Variants in NUP153 observed in about 807,000 individuals in gnomAD.
The protein encoded by NUP153 is nuclear pore complex protein Nup153.
Under a neutral mutation model 134.6 loss-of-function variants are expected in NUP153, and 27 were observed. The observed-to-expected ratio is 0.20, with a 90% CI of 0.15 to 0.28. The LOEUF (loss-of-function observed/expected upper bound fraction) is 0.28. Among genes scored for constraint, NUP153 ranks in the 10% least tolerant of loss-of-function variants. The probability of loss-of-function intolerance (pLI) is 1.00; values close to 1 mark genes in which losing one functional copy is unlikely to be tolerated. For missense variants in NUP153, 1,821 were observed against 1,731.3 expected, an observed-to-expected ratio of 1.05 and a Z score of -0.92; for synonymous variants, 640 against 623.5, an observed-to-expected ratio of 1.03 and a Z score of -0.40.
chr6:17,624,542 A>C lies in NUP153; in HGVS notation c.4174+19T>G, dbSNP rs1393912338. On this transcript the variant is annotated intron_variant, in intron 20 of 21. Coordinates refer to ENST00000262077, the MANE Select transcript of NUP153 (RefSeq NM_005124.4). ...ACACAAAACCCATACAGATACTAACAGCATCACAGCACACTTACTAGAATT... is the reference window on the plus strand; with the variant it reads ...ACACAAAACCCATACAGATACTAACCGCATCACAGCACACTTACTAGAATT... 7 of 1,611,938 alleles carry C rather than the reference A, an allele frequency of 4.3e-6. No individual in the cohort carries two copies. The highest frequency in any genetic ancestry group is 5.9e-6 in the Non-Finnish European group (7 of 1,178,426).
chr6:17,622,952 A>G lies in NUP153; in HGVS notation c.4174+1609T>C, dbSNP rs1416377087. Among the ~76,000 whole-genome samples the G allele has an allele frequency of 3.9e-5, 6 of 152,154 alleles. No individual in the cohort carries two copies. The East Asian group carries it at 1.2e-3, about 29-fold the overall frequency. On this transcript the variant is annotated intron_variant, in intron 20 of 21. Transcript: ENST00000262077. ...AAGACCACCCTGGCTAACACGGTGA[A>G]ACCCCATCTCTACTAAAAATATAAA...
In NUP153 at chr6:17,638,389, T is replaced by A. The variant is rs1008758062; in HGVS notation, c.1847-619A>T. ...GTCTTACACACAACACCACCATCTG[T>A]GATCTGTTTCTCCAGCCTTACCCGC... On this transcript the variant is annotated intron_variant, in intron 15 of 21. Coordinates refer to ENST00000262077, the MANE Select transcript of NUP153 (RefSeq NM_005124.4). The surrounding 1 kb of genome is among the most constrained non-coding windows in gnomAD (Gnocchi z 4.0). Among the ~76,000 whole-genome samples the A allele has an allele frequency of 6.6e-6, 1 of 152,198 alleles. No homozygotes were observed. The highest frequency in any genetic ancestry group is 2.4e-5 in the African/African-American group (1 of 41,448).
At chr6:17,687,736 TAGTG>T (rs1561905529) in intron 2 of NUP153, among the ~76,000 whole-genome samples, 1 of 152,150 alleles carries the variant, frequency 6.6e-6, no homozygotes, top group African/African-American at 2.4e-5. Context: ...TCAAAACATG[TAGTG>T]AAAGAAAAAA....
At chr6:17,651,968 G>A (rs1268916046) in intron 11 of NUP153, 2 of 577,076 alleles carry the variant, frequency 3.5e-6, no homozygotes, top group Non-Finnish European at 6.6e-6. Flanking sequence ...GATGGCACAT[G>A]CCTGTGGTCC....
At chr6:17,664,055 G>A (rs1767361926) in intron 9 of NUP153, among the ~76,000 whole-genome samples, 1 of 151,438 alleles carries the variant, frequency 6.6e-6, no homozygotes, top group Non-Finnish European at 1.5e-5. Flanking sequence ...ACAAAATCTA[G>A]TATATCCATA....
chr6:17,629,573 C>A, intron 17 of NUP153, 34 bp from the exon 18 acceptor site: 1 of 1,536,322 alleles, frequency 6.5e-7, no homozygotes, highest in South Asian at 1.3e-5. Flanking sequence ...CATAGACACT[C>A]AATGTACTGA....
At chr6:17,701,094 G>C (rs764667641) in intron 1 of NUP153, among the ~76,000 whole-genome samples, 1 of 152,004 alleles carries the variant, frequency 6.6e-6, no homozygotes, top group East Asian at 1.9e-4. Context: ...GAGTGGTGGC[G>C]CATGCCTGTA....
chr6:17,673,029 A>T (rs1161659332), intron 5 of NUP153, among the ~76,000 whole-genome samples: 1 of 152,154 alleles, frequency 6.6e-6, no homozygotes, highest in Non-Finnish European at 1.5e-5. Flanking sequence ...TGAAACCATT[A>T]AGAATACACA....
intron 8 of NUP153, among the ~76,000 whole-genome samples, chr6:17,668,379 C>T (rs942593833): frequency 6.6e-6 from 1 of 151,766 alleles, no homozygotes; most frequent in African/African-American, 2.4e-5. Context: ...CGCACCTGGC[C>T]GATCACTCCT....
At chr6:17,686,358 T>C (rs533954443) in intron 2 of NUP153, among the ~76,000 whole-genome samples, 5 of 152,086 alleles carry the variant, frequency 3.3e-5, no homozygotes, top group African/African-American at 1.2e-4. Flanking sequence ...TAGGGCTAGG[T>C]TAATGTGCGC....
At chr6:17,636,253 T>C (rs1221111816) in intron 16 of NUP153, among the ~76,000 whole-genome samples, 6 of 150,676 alleles carry the variant, frequency 4.0e-5, no homozygotes. Context: ...AAGAATTGCA[T>C]GCATCTGGGA....
intron 11 of NUP153, among the ~76,000 whole-genome samples, chr6:17,658,135 C>G (rs1333398201): frequency 3.9e-5 from 6 of 152,216 alleles, no homozygotes; most frequent in Admixed American, 3.9e-4. Flanking sequence ...CGTGATGGCT[C>G]ACGCCTATAA....
chr6:17,637,927 T>C (rs1022117417), intron 15 of NUP153, among the ~76,000 whole-genome samples, 157 bp from the exon 16 acceptor site: 3 of 152,220 alleles, frequency 2.0e-5, no homozygotes, highest in Admixed American at 6.5e-5. Flanking sequence ...AGTAATCATA[T>C]TTATCAATTA....
rs1764348449 is a variant in NUP153, at chr6:17,616,665, G to C, written c.4205C>G (p.Thr1402Arg). The C allele has an allele frequency of 1.2e-6, 2 of 1,613,596 alleles. No individual in the cohort carries two copies. Among genetic ancestry groups the C allele is most frequent in the African/African-American group, 2.7e-5 (2 of 74,944 alleles). The change falls in exon 21 of 22, where the codon ACA (threonine) becomes AGA (arginine). Residue 1402 changes from threonine (T) to arginine (R), a missense_variant. Coordinates refer to ENST00000262077, the MANE Select transcript of NUP153 (RefSeq NM_005124.4). ...SSAFQFGSST[T>R]NFNFTNNSPS... The stretch of plus-strand genomic sequence containing the variant: ...ACTGTTGTTTGTGAAGTTGAAATTT[G>C]TAGTGCTGCTGCCAAACTGGAAAGC...
rs1162355924 is a variant in NUP153 at position 17,662,036 on chromosome 6, T to C, written c.1250A>G (p.Asn417Ser). Residue 417 changes from asparagine to serine, a missense_variant, in exon 10 of 22, where the codon AAT (asparagine) becomes AGT (serine). Physicochemically the swap from Asn to Ser is conservative, Grantham distance 46 (BLOSUM62 1). Transcript: ENST00000262077. ...GYEKNMTPGQ[N>S]REQRESGFSY... ...ACAGTACCTTTCTCGTTGTTCTCTA[T>C]TTTGTCCGGGTGTCATATTTTTTTC... 4 of 1,610,856 alleles carry C rather than the reference T, an allele frequency of 2.5e-6. No homozygotes were observed. The highest frequency in any genetic ancestry group is 1.3e-5 in the African/African-American group (1 of 74,876).
chr6:17,690,917 A>G (rs556800882), intron 1 of NUP153, among the ~76,000 whole-genome samples: 5 of 152,228 alleles, frequency 3.3e-5, no homozygotes, highest in Non-Finnish European at 7.4e-5. Context: ...AGGTGGGTGG[A>G]TCATGAGATC....
chr6:17,649,217 C>T lies in NUP153; in HGVS notation c.1479G>A (p.Glu493=), dbSNP rs1473708858. ...SLPTFNFSSP[E]ITTSSPSPIN... Reference sequence around the variant, plus strand: ...TGGGTGATGGAGAGGAAGTTGTGATCTCAGGGGAACTAAAATTAAAGGTAG... The same window carrying T: ...TGGGTGATGGAGAGGAAGTTGTGATTTCAGGGGAACTAAAATTAAAGGTAG... Residue 493 remains glutamate (E), a synonymous_variant, in exon 12 of 22, where the codon GAG becomes GAA. Transcript: ENST00000262077. The T allele has an allele frequency of 6.2e-7, 1 of 1,613,760 alleles. No homozygotes were observed. The highest frequency in any genetic ancestry group is 8.5e-7 in the Non-Finnish European group (1 of 1,179,880).
At chr6:17,656,522 T>A (rs1396757899) in intron 11 of NUP153, among the ~76,000 whole-genome samples, 1 of 152,154 alleles carries the variant, frequency 6.6e-6, no homozygotes, top group Non-Finnish European at 1.5e-5. Context: ...CCACAGGCGC[T>A]AACCACCATG....
chr6:17,671,073 G>A (rs564384474), intron 5 of NUP153, among the ~76,000 whole-genome samples: 5 of 152,138 alleles, frequency 3.3e-5, no homozygotes, highest in African/African-American at 1.2e-4. Context: ...CAAAGTGCTG[G>A]GATTACAGGC....
Sources: allele counts gnomAD v4.1 joint callset (sites outside exome capture counted in the v4.1 genomes callset), GRCh38; gene constraint gnomAD v4.1.1; non-coding constraint Gnocchi (gnomAD v3.1); transcripts MANE v1.5; gene names NCBI Gene and HGNC (gene_info 2026-07-23, HGNC 2026-07-21).